Variants in RALGPS2 observed in about 807,000 individuals in gnomAD.
RALGPS2 encodes ras-specific guanine nucleotide-releasing factor RalGPS2.
RALGPS2 carries 43 observed loss-of-function variants against 86.8 expected under a neutral mutation model. That is an observed-to-expected ratio of 0.50 (90% confidence interval 0.39 to 0.64). The LOEUF is 0.64. RALGPS2 is among the 30% of genes least tolerant of loss of function. The pLI is 0.00. For synonymous variants in RALGPS2, 243 were observed against 231.3 expected (o/e 1.05, Z -0.46); for missense variants, 536 against 694.6 (o/e 0.77, Z 2.57).
At chr1:178,854,175 A>G (rs1294517263) in intron 8 of RALGPS2, among the ~76,000 whole-genome samples, 2 of 152,118 alleles carry the variant, frequency 1.3e-5, no homozygotes, top group South Asian at 4.1e-4. Flanking sequence ...TGCTATTATA[A>G]AAACACTGCA....
chr1:178,858,216 G>A (rs184717959), intron 8 of RALGPS2, among the ~76,000 whole-genome samples: 1 of 152,012 alleles, frequency 6.6e-6, no homozygotes, highest in Admixed American at 6.5e-5. Flanking sequence ...ACCTGTCTTA[G>A]TCCAGTGTAT....
chr1:178,853,581 A>G (rs980825225), intron 8 of RALGPS2: 5 of 1,576,818 alleles, frequency 3.2e-6, no homozygotes, highest in Non-Finnish European at 4.3e-6. Flanking sequence ...TTAGGTCTGC[A>G]TCACTGATTT....
At chr1:178,831,909 A>G (rs1485058776) in intron 7 of RALGPS2, among the ~76,000 whole-genome samples, 2 of 152,174 alleles carry the variant, frequency 1.3e-5, no homozygotes, top group African/African-American at 2.4e-5. Context: ...TTACAAAATC[A>G]TGTTATAGTT....
intron 8 of RALGPS2, among the ~76,000 whole-genome samples, chr1:178,872,819 A>C (rs1658827610): frequency 6.6e-6 from 1 of 152,244 alleles, no homozygotes; most frequent in Admixed American, 6.5e-5. Flanking sequence ...ATTTAGGGAC[A>C]GATTATGGTT....
At chr1:178,810,530 ATT>A (rs777484199) in intron 5 of RALGPS2, among the ~76,000 whole-genome samples, 43 of 140,508 alleles carry the variant, frequency 3.1e-4, no homozygotes, top group African/African-American at 7.7e-4. Flanking sequence ...GCATAACTTG[ATT>A]TTTTTTTTTT....
At chr1:178,739,691 TAG>T (rs1650915139) in intron 1 of RALGPS2, among the ~76,000 whole-genome samples, 8 of 152,320 alleles carry the variant, frequency 5.3e-5, no homozygotes, top group Admixed American at 5.2e-4. Flanking sequence ...TTCACTAACT[TAG>T]CGTGTCACTC....
intron 19 of RALGPS2, among the ~76,000 whole-genome samples, chr1:178,907,591 G>T (rs918608367): frequency 6.6e-6 from 1 of 152,184 alleles, no homozygotes; most frequent in Non-Finnish European, 1.5e-5. Flanking sequence ...TTGAACCACA[G>T]ATTGGTAGAG....
At chr1:178,834,344 G>T (rs1034311162) in intron 8 of RALGPS2, among the ~76,000 whole-genome samples, 2 of 152,108 alleles carry the variant, frequency 1.3e-5, no homozygotes, top group Admixed American at 6.5e-5. Context: ...TGTGTTTGAT[G>T]AAATTACTCA....
In RALGPS2 at chr1:178,727,231, T is replaced by C. The variant is rs1463657286; in HGVS notation, c.-84+1812T>C. On this transcript the variant is annotated intron_variant, in intron 1 of 19. Transcript: ENST00000367635. ...GTGCGTTTTTCCCATTATATTCCAC[T>C]TTTTTTTTTTTCCTTTTAAGATAGG... is the stretch of plus-strand genomic sequence containing the variant. Among the ~76,000 whole-genome samples, 24 of 135,832 alleles carry C rather than the reference T, an allele frequency of 1.8e-4. 1 individual carries two copies. Among genetic ancestry groups the C allele is most frequent in the Admixed American group, 1.1e-3 (16 of 14,178 alleles). 89.1% of individuals were successfully genotyped at this position (135,832 alleles called of 152,430 possible). A position where few individuals can be genotyped will look rare whatever the true frequency, so the allele number is the denominator to read the frequency against.
In RALGPS2 at chr1:178,787,434, T is replaced by C. The variant is rs148634968; in HGVS notation, c.213+1827T>C. ...AAAATATTATCGTTTCAACTTGTAA[T>C]CAGTGTAAAAAATTATTGAGATATC... On this transcript the variant is annotated intron_variant, in intron 4 of 19. Transcript: ENST00000367635. 7.9e-3 allele frequency among the ~76,000 whole-genome samples: 1,204 copies of C among 152,330 alleles called. 11 individuals are homozygous for C. The highest frequency in any genetic ancestry group is 0.01 in the Non-Finnish European group (690 of 68,018).
At chr1:178,869,758 T>A (rs1263736105) in intron 8 of RALGPS2, among the ~76,000 whole-genome samples, 1 of 152,154 alleles carries the variant, frequency 6.6e-6, no homozygotes, top group Non-Finnish European at 1.5e-5. Flanking sequence ...TTAATATCTT[T>A]AATTTTTACA....
At chr1:178,812,191 G>C (rs934183253) in intron 6 of RALGPS2, among the ~76,000 whole-genome samples, 2 of 152,116 alleles carry the variant, frequency 1.3e-5, no homozygotes, top group Non-Finnish European at 2.9e-5. Flanking sequence ...GGGGAGAGGG[G>C]AGTTTTGGGG....
At chr1:178,732,466 T>C (rs1351102313) in intron 1 of RALGPS2, among the ~76,000 whole-genome samples, 1 of 151,932 alleles carries the variant, frequency 6.6e-6, no homozygotes, top group Non-Finnish European at 1.5e-5. Context: ...ATCCGGCTAA[T>C]TTTTTGTTTT....
chr1:178,913,733 GT>G (rs567432994), intron 19 of RALGPS2, among the ~76,000 whole-genome samples: 8 of 152,266 alleles, frequency 5.3e-5, no homozygotes, highest in Non-Finnish European at 1.2e-4. Flanking sequence ...CTTTCTGGAT[GT>G]CTTCAGAGAA....
At position 178,879,916 on chromosome 1, in the gene RALGPS2, C is replaced by T. The variant is rs950142928; in HGVS notation, c.836+924C>T. 3 of 151,380 alleles carry T rather than the reference C, an allele frequency of 2.0e-5. No individual in the cohort carries two copies. The South Asian group carries it at 6.2e-4, about 31-fold the overall frequency. The allele number at this position is 151,380 out of a possible 1,614,324, so 9.4% of individuals were successfully genotyped here. On this transcript the variant is annotated intron_variant, in intron 10 of 19. Coordinates refer to ENST00000367635, the MANE Select transcript of RALGPS2 (RefSeq NM_152663.5). ...GAAATTTTTAAATTATTAACCCTTT[C>T]ATCTTTCGTTGATACAGTTTACATC... is the stretch of plus-strand genomic sequence containing the variant.
chr1:178,888,333 A>G (rs890848190), intron 13 of RALGPS2, among the ~76,000 whole-genome samples: 4 of 152,198 alleles, frequency 2.6e-5, no homozygotes, highest in African/African-American at 9.6e-5. Context: ...TACACACACG[A>G]GTTTTTCCCT....
At chr1:178,808,583 G>T (rs951712524) in intron 5 of RALGPS2, among the ~76,000 whole-genome samples, 11 of 151,958 alleles carry the variant, frequency 7.2e-5, no homozygotes, top group East Asian at 3.9e-4. Context: ...TCTTAAAGTG[G>T]TTTTTTCAAA....
Position 178,877,528 on chromosome 1 carries a change from A to C in RALGPS2, c.638A>C (p.Asp213Ala). 1 of 1,613,562 alleles carries C rather than the reference A, an allele frequency of 6.2e-7. No individual in the cohort carries two copies. Among genetic ancestry groups the C allele is most frequent in the Non-Finnish European group, 8.5e-7 (1 of 1,179,616 alleles). The change falls in exon 9 of 20, where the codon GAT becomes GCT. Residue 213 changes from aspartate to alanine, a missense_variant. Coordinates refer to ENST00000367635, the MANE Select transcript of RALGPS2 (RefSeq NM_152663.5). Reference protein sequence around the residue: ...GIYLSDLTYIDSAYPSTGSIL... With the variant: ...GIYLSDLTYIASAYPSTGSIL... ...TATTTGTCAGATTTAACATACATCG[A>C]TTCAGCATACCCATCAACTGGCAGC...
In RALGPS2 at chr1:178,883,442, GTATT is replaced by G; in HGVS notation, c.837-22_837-19del. 2 of 1,531,754 alleles carry G rather than the reference GTATT, an allele frequency of 1.3e-6. No individual in the cohort carries two copies. Among genetic ancestry groups the G allele is most frequent in the East Asian group, 4.5e-5 (2 of 44,470 alleles). 94.9% of individuals were successfully genotyped at this position (1,531,754 alleles called of 1,614,324 possible). A position where few individuals can be genotyped will look rare whatever the true frequency, so the allele number is the denominator to read the frequency against. ...GTCAAATGTTAATTAATCATTGTAT[GTATT>G]TTGTCTTTTTAAAATTCAGGCTTTC... On this transcript the variant is annotated intron_variant, in intron 10 of 19. Coordinates refer to ENST00000367635, the MANE Select transcript of RALGPS2 (RefSeq NM_152663.5).
Sources: gnomAD v4.1 joint callset for allele counts (sites outside exome capture counted in the v4.1 genomes callset) on GRCh38, gnomAD v4.1.1 for gene constraint, MANE v1.5 for transcripts, NCBI Gene and HGNC (gene_info 2026-07-23, HGNC 2026-07-21) for gene names.